The following SLC14A2 variants were observed in gnomAD, a reference collection of about 807,000 sequenced individuals.
SLC14A2 encodes solute carrier family 14 member 2, also known as urea transporter 2.
SLC14A2 carries 91 observed loss-of-function variants against 104.6 expected under a neutral mutation model. The observed-to-expected ratio is 0.87, with a 90% CI of 0.73 to 1.04. The LOEUF (loss-of-function observed/expected upper bound fraction) is 1.04. SLC14A2 is among the 50% of genes least tolerant of loss of function. The pLI, the probability that SLC14A2 is intolerant of heterozygous loss-of-function variation, is 0.00. For synonymous variants in SLC14A2, 476 were observed against 466.4 expected (o/e 1.02, Z -0.27); for missense variants, 1,189 against 1,156.0 (o/e 1.03, Z -0.41).
chr18:45,211,405 A>T (rs899489738), upstream of SLC14A2, among the ~76,000 whole-genome samples: 4 of 152,228 alleles, frequency 2.6e-5, no homozygotes, highest in Non-Finnish European at 4.4e-5. Flanking sequence ...TGAAAAATAG[A>T]ATGATCTGCA....
chr18:45,540,345 C>T (rs973506334), intron 2 of SLC14A2, among the ~76,000 whole-genome samples: 5 of 152,292 alleles, frequency 3.3e-5, no homozygotes, highest in African/African-American at 1.2e-4. Context: ...ATTCCCACCC[C>T]CAGTGCGCGG....
intron 1 of SLC14A2, among the ~76,000 whole-genome samples, chr18:45,279,236 A>G (rs1020085765): frequency 2.6e-5 from 4 of 152,228 alleles, no homozygotes; most frequent in Admixed American, 2.6e-4. Flanking sequence ...TTTTAGGATA[A>G]TTATGAAGGA....
upstream of SLC14A2, chr18:45,614,917 C>T (rs1217646235): frequency 2.0e-5 from 3 of 151,850 alleles, no homozygotes; most frequent in Non-Finnish European, 4.4e-5. Context: ...TCTGTCTCAG[C>T]CTCCCAGTAG....
At chr18:45,456,334 C>T (rs757961201) in intron 1 of SLC14A2, among the ~76,000 whole-genome samples, 6 of 152,182 alleles carry the variant, frequency 3.9e-5, no homozygotes, top group Non-Finnish European at 7.4e-5. Flanking sequence ...TCTAAGCACC[C>T]AGAGCTCTGC....
At chr18:45,414,743 G>GGAAAAAAAA (rs2086251135) in intron 1 of SLC14A2, among the ~76,000 whole-genome samples, 1 of 40,718 alleles carries the variant, frequency 2.5e-5, no homozygotes, top group Non-Finnish European at 4.0e-5. Flanking sequence ...GGCACCGAGC[G>GGAAAAAAAA]TAAAAAAAAA....
intron 1 of SLC14A2, among the ~76,000 whole-genome samples, chr18:45,449,211 C>T (rs1164509392): frequency 6.6e-6 from 1 of 152,196 alleles, no homozygotes; most frequent in Non-Finnish European, 1.5e-5. Context: ...GACAGTTCAC[C>T]ATCCTGTGCT....
intron 1 of SLC14A2, among the ~76,000 whole-genome samples, chr18:45,282,306 T>G (rs1033850483): frequency 1.3e-5 from 2 of 152,090 alleles, no homozygotes; most frequent in African/African-American, 4.8e-5. Flanking sequence ...TTACGAGTCA[T>G]AGGGTGCTCA....
intron 2 of SLC14A2, among the ~76,000 whole-genome samples, chr18:45,534,546 T>C (rs558959488): frequency 1.3e-4 from 20 of 152,178 alleles, no homozygotes; most frequent in Admixed American, 3.9e-4. Context: ...AATCCTCTAA[T>C]GAATAATAAT....
At chr18:45,273,488 C>T (rs934923770) in intron 1 of SLC14A2, among the ~76,000 whole-genome samples, 3 of 152,082 alleles carry the variant, frequency 2.0e-5, no homozygotes, top group Non-Finnish European at 2.9e-5. Context: ...AGGAGAAAAG[C>T]GTTGTCCTAC....
chr18:45,499,284 C>T (rs2043152825), intron 2 of SLC14A2, among the ~76,000 whole-genome samples: 1 of 152,200 alleles, frequency 6.6e-6, no homozygotes, highest in Middle Eastern at 3.4e-3. Context: ...TCAAAAGGTC[C>T]CTAAATTAAG....
intron 1 of SLC14A2, among the ~76,000 whole-genome samples, chr18:45,236,475 G>A (rs182805580): frequency 3.4e-5 from 2 of 58,418 alleles, no homozygotes; most frequent in Admixed American, 1.8e-4. Context: ...ATATATACAT[G>A]TATGTGTGTA....
At chr18:45,391,050 G>A (rs1310512287) in intron 1 of SLC14A2, among the ~76,000 whole-genome samples, 9 of 152,040 alleles carry the variant, frequency 5.9e-5, no homozygotes, top group Admixed American at 6.6e-5. Context: ...TTTAACATTA[G>A]GTATATCTCC....
chr18:45,295,806 T>C (rs1007516251), intron 1 of SLC14A2, among the ~76,000 whole-genome samples: 7 of 152,268 alleles, frequency 4.6e-5, no homozygotes, highest in Middle Eastern at 3.4e-3. Flanking sequence ...TCCTTTCTGG[T>C]CTCTTTTATC....
At chr18:45,440,924 CAATA>C (rs2086672270) in intron 1 of SLC14A2, among the ~76,000 whole-genome samples, 1 of 152,118 alleles carries the variant, frequency 6.6e-6, no homozygotes, top group Admixed American at 6.5e-5. Context: ...AATAAAAAGA[CAATA>C]AACAGCATCC....
chr18:45,458,118 G>A, intron 1 of SLC14A2, among the ~76,000 whole-genome samples: 1 of 152,220 alleles, frequency 6.6e-6, no homozygotes. Flanking sequence ...CCTGAAGGGA[G>A]ATAGACAGAG....
intron 1 of SLC14A2, among the ~76,000 whole-genome samples, chr18:45,620,286 C>T (rs1413223776): frequency 1.3e-5 from 2 of 152,192 alleles, no homozygotes; most frequent in Admixed American, 6.5e-5. Context: ...TAATGGAGAG[C>T]GCAGTGGGGA....
intron 2 of SLC14A2, among the ~76,000 whole-genome samples, chr18:45,513,973 A>T (rs10502866): frequency 6.6e-6 from 1 of 152,152 alleles, no homozygotes; most frequent in Non-Finnish European, 1.5e-5. Context: ...GTTAATTTTC[A>T]GGTAGAGATC....
At chr18:45,408,064 A>C (rs1210422384) in intron 1 of SLC14A2, among the ~76,000 whole-genome samples, 1 of 152,210 alleles carries the variant, frequency 6.6e-6, no homozygotes, top group East Asian at 1.9e-4. Flanking sequence ...AAACAATGTA[A>C]TATCTGTGAA....
intron 1 of SLC14A2, among the ~76,000 whole-genome samples, chr18:45,232,705 T>A (rs1005348041): frequency 2.0e-5 from 3 of 152,222 alleles, no homozygotes; most frequent in Non-Finnish European, 4.4e-5. Flanking sequence ...TTTTAATAAA[T>A]CTGTCATAAG....
Sources: gnomAD v4.1 joint callset for allele counts (sites outside exome capture counted in the v4.1 genomes callset) on GRCh38, gnomAD v4.1.1 for gene constraint, MANE v1.5 for transcripts, NCBI Gene and HGNC (gene_info 2026-07-23, HGNC 2026-07-21) for gene names.